The following AGBL1 variants were observed in gnomAD, a reference collection of about 807,000 sequenced individuals.
AGBL1 encodes the protein cytosolic carboxypeptidase 4.
In AGBL1, 130 loss-of-function variants were observed where a neutral mutation model predicts 118.9. The ratio of observed to expected loss-of-function variants is 1.09; its 90% CI spans 0.95 to 1.26. The LOEUF is 1.26. Among genes scored for constraint, AGBL1 ranks in the 50% most tolerant of loss-of-function variants. The probability of loss-of-function intolerance (pLI) is 0.00; values close to 1 mark genes in which losing one functional copy is unlikely to be tolerated. For synonymous variants in AGBL1, 555 were observed against 478.9 expected (o/e 1.16, Z -2.08); for missense variants, 1,584 against 1,298.1 (o/e 1.22, Z -3.38).
At position 86,561,532 on chromosome 15, in the gene AGBL1, T is replaced by C. The variant is rs546396792; in HGVS notation, c.2994+6995T>C. On this transcript the variant is annotated intron_variant, in intron 21 of 22. Transcript: ENST00000614907. ...GTCTATATATCTTTTTTGGTACCAG[T>C]ACCATGCTGTTTTTGTTACTGTAGC... 1.4e-4 allele frequency among the ~76,000 whole-genome samples: 21 copies of C among 152,320 alleles called. No individual in the cohort carries two copies. The East Asian group carries it at 3.9e-3, about 28-fold the overall frequency.
chr15:86,546,876 A>G (rs2083590968), intron 20 of AGBL1, among the ~76,000 whole-genome samples: 1 of 152,168 alleles, frequency 6.6e-6, no homozygotes, highest in Admixed American at 6.5e-5. Context: ...CTTTGTTTAA[A>G]ATTTCTGTAG....
At chr15:86,215,314 C>T (rs1406399865) in intron 5 of AGBL1, among the ~76,000 whole-genome samples, 1 of 151,682 alleles carries the variant, frequency 6.6e-6, no homozygotes, top group African/African-American at 2.4e-5. Context: ...GAGGCCGGCG[C>T]TGTAGCAGAT....
chr15:87,009,571 G>T (rs1336637615), intron 24 of AGBL1, among the ~76,000 whole-genome samples: 1 of 152,166 alleles, frequency 6.6e-6, no homozygotes, highest in African/African-American at 2.4e-5. Flanking sequence ...GAGGCCCACT[G>T]GCCTCCAGCC....
intron 18 of AGBL1, among the ~76,000 whole-genome samples, chr15:86,439,818 TC>T (rs1244515199): frequency 6.6e-6 from 1 of 152,178 alleles, no homozygotes; most frequent in East Asian, 1.9e-4. Flanking sequence ...CCTCAGTCGC[TC>T]AAACAGCCCA....
At chr15:86,669,040 AC>A (rs1001717153) in intron 21 of AGBL1, among the ~76,000 whole-genome samples, 5 of 152,186 alleles carry the variant, frequency 3.3e-5, no homozygotes, top group African/African-American at 1.2e-4. Flanking sequence ...GGGGAGAAAA[AC>A]AAAAGTTCCA....
At chr15:86,149,221 A>C (rs2141671294) in intron 3 of AGBL1, among the ~76,000 whole-genome samples, 1 of 152,358 alleles carries the variant, frequency 6.6e-6, no homozygotes, top group Non-Finnish European at 1.5e-5. Context: ...TGCATCAATT[A>C]ACGGGCAAAA....
intron 22 of AGBL1, among the ~76,000 whole-genome samples, chr15:86,893,544 A>G (rs769308653): frequency 2.6e-5 from 4 of 152,192 alleles, no homozygotes; most frequent in Non-Finnish European, 4.4e-5. Flanking sequence ...CAAATGAAAA[A>G]TCAAAACAAA....
chr15:86,602,901 G>C, intron 21 of AGBL1, among the ~76,000 whole-genome samples: 1 of 152,276 alleles, frequency 6.6e-6, no homozygotes, highest in African/African-American at 2.4e-5. Context: ...TCCTCCAGCA[G>C]TGGACCAGTG....
chr15:86,693,916 C>A (rs911258451), intron 22 of AGBL1, among the ~76,000 whole-genome samples: 1 of 151,862 alleles, frequency 6.6e-6, no homozygotes, highest in Non-Finnish European at 1.5e-5. Flanking sequence ...AGTATTTGGG[C>A]TTATATATGG....
At chr15:86,735,655 G>GATATATATATATATATATATAT (rs61663652) in intron 22 of AGBL1, among the ~76,000 whole-genome samples, 1 of 146,830 alleles carries the variant, frequency 6.8e-6, no homozygotes, top group East Asian at 2.1e-4. Flanking sequence ...TACAAAGAGA[G>GATATATATATATATATATATAT]ATATATATAT....
At chr15:86,842,590 G>C (rs539497531) in intron 22 of AGBL1, among the ~76,000 whole-genome samples, 15 of 152,340 alleles carry the variant, frequency 9.8e-5, no homozygotes, top group African/African-American at 3.6e-4. Context: ...TGATGAAGAG[G>C]ACATGGGCTC....
intron 23 of AGBL1, among the ~76,000 whole-genome samples, chr15:86,963,909 A>C (rs1171733609): frequency 6.6e-6 from 1 of 151,934 alleles, no homozygotes; most frequent in East Asian, 1.9e-4. Flanking sequence ...ATCTTGAAGA[A>C]AGAATTATGA....
chr15:86,269,505 G>A (rs947238850), intron 13 of AGBL1, among the ~76,000 whole-genome samples: 2 of 152,110 alleles, frequency 1.3e-5, no homozygotes, highest in Non-Finnish European at 2.9e-5. Context: ...TTTCAAAATA[G>A]TAAAAAGACT....
intron 18 of AGBL1, among the ~76,000 whole-genome samples, chr15:86,474,221 G>T (rs528294380): frequency 6.6e-6 from 1 of 152,092 alleles, no homozygotes; most frequent in Non-Finnish European, 1.5e-5. Context: ...CTTGTCGGAC[G>T]GTGGGTGCAG....
intron 17 of AGBL1, among the ~76,000 whole-genome samples, chr15:86,348,941 G>C (rs1369499479): frequency 6.6e-6 from 1 of 152,176 alleles, no homozygotes; most frequent in Non-Finnish European, 1.5e-5. Flanking sequence ...ATCAAGATAA[G>C]ATGAGGTTAT....
At chr15:86,653,008 A>T (rs1567104868) in intron 21 of AGBL1, among the ~76,000 whole-genome samples, 1 of 152,190 alleles carries the variant, frequency 6.6e-6, no homozygotes, top group African/African-American at 2.4e-5. Flanking sequence ...AATAGTGCTG[A>T]TGTAGAGAAT....
intron 22 of AGBL1, among the ~76,000 whole-genome samples, chr15:86,834,794 A>G (rs549993634): frequency 6.6e-6 from 1 of 152,258 alleles, no homozygotes; most frequent in East Asian, 1.9e-4. Flanking sequence ...TTCTCCGTTG[A>G]CACTAAAGCG....
rs374370584 is a variant in AGBL1 at position 86,856,646 on chromosome 15, A to T, written c.3159-50441A>T. 2.0e-5 allele frequency among the ~76,000 whole-genome samples: 3 copies of T among 152,364 alleles called. No individual in the cohort carries two copies. The South Asian group carries it at 6.2e-4, about 32-fold the overall frequency. On this transcript the variant is annotated intron_variant, in intron 22 of 22. Coordinates refer to ENST00000614907, the MANE Select transcript of AGBL1 (RefSeq NM_001386094.1). ...CTGTGTGTGCATTGTCCTTCACAGC[A>T]AAGCACAGTATAGCCACCATTATTA...
At chr15:86,855,997 A>T (rs529495179) in intron 22 of AGBL1, among the ~76,000 whole-genome samples, 3 of 152,326 alleles carry the variant, frequency 2.0e-5, no homozygotes, top group African/African-American at 7.2e-5. Flanking sequence ...ATTAGTAAGG[A>T]CATTACATAG....
Sources: gnomAD v4.1 joint callset for allele counts (sites outside exome capture counted in the v4.1 genomes callset) on GRCh38, gnomAD v4.1.1 for gene constraint, MANE v1.5 for transcripts, NCBI Gene and HGNC (gene_info 2026-07-23, HGNC 2026-07-21) for gene names.